Variants in UBR1 observed in about 807,000 individuals in gnomAD.
UBR1 encodes ubiquitin protein ligase E3 component n-recognin 1.
Under a neutral mutation model 242.1 loss-of-function variants are expected in UBR1, and 102 were observed. The ratio of observed to expected loss-of-function variants is 0.42; its 90% CI spans 0.36 to 0.50. The LOEUF is 0.50. UBR1 is among the 20% of genes least tolerant of loss of function. The probability of loss-of-function intolerance (pLI) is 0.01; values close to 1 mark genes in which losing one functional copy is unlikely to be tolerated. For missense variants in UBR1, 1,772 were observed against 2,101.8 expected, an observed-to-expected ratio of 0.84 and a Z score of 3.07; for synonymous variants, 675 against 684.8, an observed-to-expected ratio of 0.99 and a Z score of 0.22.
chr15:43,023,041 G>C (rs1469799559), intron 25 of UBR1, among the ~76,000 whole-genome samples: 2 of 151,676 alleles, frequency 1.3e-5, no homozygotes, highest in Non-Finnish European at 2.9e-5. Flanking sequence ...ATTTTTTTTG[G>C]AGGGGGCGGG....
chr15:42,991,688 A>C (rs1371084281), intron 33 of UBR1, among the ~76,000 whole-genome samples: 2 of 151,974 alleles, frequency 1.3e-5, no homozygotes, highest in African/African-American at 4.8e-5. Context: ...AGACTGAATA[A>C]TTTCCACTGA....
intron 1 of UBR1, among the ~76,000 whole-genome samples, chr15:43,103,780 A>G (rs1243396999): frequency 6.6e-6 from 1 of 152,250 alleles, no homozygotes. Flanking sequence ...TAAATGTCCC[A>G]TACTATTTAA....
chr15:43,101,836 C>A (rs571267649), intron 1 of UBR1, among the ~76,000 whole-genome samples: 1 of 151,956 alleles, frequency 6.6e-6, no homozygotes, highest in East Asian at 1.9e-4. Flanking sequence ...GGCGTGGTGG[C>A]AGGCACCTGT....
intron 32 of UBR1, among the ~76,000 whole-genome samples, chr15:42,998,937 CT>C (rs35098054): frequency 0.028 from 3,352 of 121,200 alleles, 80 homozygotes; most frequent in African/African-American, 0.093. Context: ...GGAGCCTTTG[CT>C]TTTTTTTTTT....
chr15:43,066,085 G>T (rs990040186), intron 6 of UBR1, among the ~76,000 whole-genome samples: 1 of 152,002 alleles, frequency 6.6e-6, no homozygotes, highest in African/African-American at 2.4e-5. Flanking sequence ...TTTTTCTAGG[G>T]TTTTATAGTT....
chr15:42,958,197 C>T (rs1445731546), intron 43 of UBR1, 107 bp from the exon 44 acceptor site: 2 of 771,678 alleles, frequency 2.6e-6, no homozygotes, highest in Admixed American at 2.2e-5. Context: ...AGGATCTACA[C>T]TTGCAATCCA....
chr15:43,011,536 T>C (rs2032923458), intron 29 of UBR1, among the ~76,000 whole-genome samples: 2 of 152,214 alleles, frequency 1.3e-5, no homozygotes, highest in South Asian at 4.1e-4. Flanking sequence ...GAGAAGCTGC[T>C]CAACCTAGTA....
chr15:43,035,483 TTTC>T (rs1262303347), intron 19 of UBR1, among the ~76,000 whole-genome samples: 106 of 151,852 alleles, frequency 7.0e-4, no homozygotes, highest in Non-Finnish European at 1.3e-3. Flanking sequence ...TGTTTGTTTT[TTTC>T]TTGTAAATTT....
chr15:43,026,816 C>A (rs2033184281), intron 22 of UBR1, among the ~76,000 whole-genome samples, 153 bp from the exon 23 acceptor site: 1 of 152,040 alleles, frequency 6.6e-6, no homozygotes, highest in African/African-American at 2.4e-5. Context: ...AATAATAAAA[C>A]TAAAAACCTA....
At chr15:43,007,367 G>A in intron 29 of UBR1, 83 bp from the exon 30 acceptor site, 1 of 1,150,044 alleles carries the variant, frequency 8.7e-7, no homozygotes. Context: ...GTAACTATAG[G>A]CAAGAAATAT....
At position 43,015,722 on chromosome 15, in the gene UBR1, G is replaced by C; in HGVS notation, c.3175C>G (p.Pro1059Ala). The C allele has an allele frequency of 6.2e-7, 1 of 1,613,972 alleles. No homozygotes were observed. The highest frequency in any genetic ancestry group is 1.3e-5 in the African/African-American group (1 of 74,986). The change falls in exon 29 of 47, where the codon CCT becomes GCT. Residue 1059 changes from proline to alanine, a missense_variant. Pro to Ala is a conservative substitution (Grantham distance 27). Coordinates refer to ENST00000290650, the MANE Select transcript of UBR1 (RefSeq NM_174916.3). The part of the protein sequence containing the change: ...KLMYDNTSEM[P>A]GKEDSIMEEE... ...TCCATAATGGAATCTTCTTTCCCAG[G>C]CATTTCTGATGTATTGTCATACATG...
chr15:42,949,864 T>A lies in UBR1; in HGVS notation c.5108+398A>T, dbSNP rs562163593. 6.7e-5 allele frequency among the ~76,000 whole-genome samples: 10 copies of A among 149,810 alleles called. No individual in the cohort carries two copies. In the East Asian group the frequency reaches 1.9e-3, roughly 29 times the overall value. ...GCTCTCAATTACTTTTTTTTTTTTT[T>A]AGACAGAATCTCCCTCTGTTGCCCA... On this transcript the variant is annotated intron_variant, in intron 46 of 46. Transcript: ENST00000290650.
At chr15:43,021,477 A>G (rs899120044) in intron 26 of UBR1, 102 bp from the exon 27 acceptor site, 15 of 969,962 alleles carry the variant, frequency 1.5e-5, no homozygotes, top group Non-Finnish European at 2.3e-5. Context: ...AAAGTCCACT[A>G]ATGCTCAATT....
In UBR1 at chr15:43,024,969, G is replaced by A. The variant is rs561769201; in HGVS notation, c.2599C>T (p.Pro867Ser). 5 of 1,614,190 alleles carry A rather than the reference G, an allele frequency of 3.1e-6. No individual in the cohort carries two copies. The African/African-American group carries it at 4.0e-5, about 13-fold the overall frequency. Reference protein sequence around the residue: ...ENKDEALPPPPPPEFCPAFSK... With the variant: ...ENKDEALPPPSPPEFCPAFSK... ...AAAGCAGGGCAGAATTCAGGAGGTG[G>A]TGGTGGCGGCAATGCTATAGGAGGT... is the stretch of plus-strand genomic sequence containing the variant. Residue 867 changes from proline (P) to serine (S), a missense_variant, in exon 25 of 47, where the codon CCA becomes TCA. Physicochemically the swap from Pro to Ser is moderately conservative, Grantham distance 74. This residue lies in a region of UBR1 where 965 missense variants were observed against 1,079.7 expected (regional missense o/e 0.89). Coordinates refer to ENST00000290650, the MANE Select transcript of UBR1 (RefSeq NM_174916.3).
At chr15:43,024,144 T>C (rs1044833378) in intron 25 of UBR1, among the ~76,000 whole-genome samples, 1 of 152,214 alleles carries the variant, frequency 6.6e-6, no homozygotes, top group Non-Finnish European at 1.5e-5. Context: ...TTCAAACATA[T>C]CTCTATGGTT....
intron 12 of UBR1, among the ~76,000 whole-genome samples, chr15:43,051,914 G>A (rs1321624586): frequency 1.3e-5 from 2 of 152,160 alleles, no homozygotes; most frequent in Non-Finnish European, 2.9e-5. Flanking sequence ...AAAGGAATAG[G>A]TTAGAGTAAT....
Position 43,067,945 on chromosome 15 carries a change from A to T in UBR1, c.751T>A (p.Cys251Ser), listed in dbSNP as rs1348809716. Reference sequence around the variant, plus strand: ...TGCAACTGGGCCTCTGCGAGCTCACAGTCAAGAGCTCTTTGTAGGCTGTAT... The same window carrying T: ...TGCAACTGGGCCTCTGCGAGCTCACTGTCAAGAGCTCTTTGTAGGCTGTAT... The part of the protein sequence containing the change: ...VIYSLQRALD[C>S]ELAEAQLHTT... The change falls in exon 6 of 47, where the codon TGT (cysteine) becomes AGT (serine). Residue 251 changes from cysteine to serine, a missense_variant. Cys to Ser is a moderately radical substitution (Grantham distance 112). Transcript: ENST00000290650. 1.9e-6 allele frequency: 3 copies of T among 1,613,870 alleles called. No homozygotes were observed.
intron 33 of UBR1, 45 bp downstream of exon 33, chr15:42,998,123 T>C (rs751790865): frequency 6.7e-7 from 1 of 1,500,810 alleles, no homozygotes; most frequent in Non-Finnish European, 9.2e-7. Flanking sequence ...ATAAAGATTC[T>C]GACACCATCT....
intron 29 of UBR1, among the ~76,000 whole-genome samples, chr15:43,012,463 T>C (rs1473854092): frequency 6.6e-6 from 1 of 152,198 alleles, no homozygotes; most frequent in African/African-American, 2.4e-5. Flanking sequence ...AGATCAGTAA[T>C]GCAGAGATGG....
Sources: gnomAD v4.1 joint callset for allele counts (sites outside exome capture counted in the v4.1 genomes callset) on GRCh38, gnomAD v4.1.1 for gene constraint, gnomAD v4.1.1 regional missense constraint, MANE v1.5 for transcripts, NCBI Gene and HGNC (gene_info 2026-07-23, HGNC 2026-07-21) for gene names.